ATG10: variants seen among roughly 807,000 people sequenced by gnomAD.
ATG10 encodes autophagy related 10, also known as ubiquitin-like-conjugating enzyme ATG10.
A neutral mutation model predicts 32.1 loss-of-function variants in ATG10; 30 were observed. That is an observed-to-expected ratio of 0.94 (90% CI 0.70 to 1.27). ATG10 has a LOEUF of 1.27. Ranked by LOEUF, ATG10 falls within the 50% of genes most tolerant of loss-of-function variation. The pLI is 0.00. For synonymous variants in ATG10, 87 were observed against 91.5 expected (o/e 0.95, Z 0.28); for missense variants, 233 against 262.3 (o/e 0.89, Z 0.77).
At chr5:81,972,741 G>A (rs1275240831) in intron 1 of ATG10, 1 of 152,116 alleles carries the variant, frequency 6.6e-6, no homozygotes. Context: ...TTGATATTTA[G>A]AGCCAACAGG....
At chr5:82,183,624 T>C (rs1396734901) in intron 5 of ATG10, among the ~76,000 whole-genome samples, 1 of 152,192 alleles carries the variant, frequency 6.6e-6, no homozygotes, top group African/African-American at 2.4e-5. Flanking sequence ...CATTAATTCA[T>C]TAGTGATTGC....
At chr5:82,039,566 CTG>C (rs1346158749) in intron 2 of ATG10, among the ~76,000 whole-genome samples, 6 of 151,976 alleles carry the variant, frequency 3.9e-5, no homozygotes, top group African/African-American at 9.7e-5. Flanking sequence ...TGTAATCAAA[CTG>C]TAATAAAAAT....
chr5:82,200,604 A>T (rs1745031336), intron 5 of ATG10, among the ~76,000 whole-genome samples: 1 of 148,472 alleles, frequency 6.7e-6, no homozygotes. Flanking sequence ...CAGCCTCCTG[A>T]GTGGCTGGGA....
intron 3 of ATG10, among the ~76,000 whole-genome samples, chr5:82,100,013 T>TTTG (rs1561298216): frequency 7.5e-6 from 1 of 132,822 alleles, no homozygotes; most frequent in Non-Finnish European, 1.6e-5. Context: ...TTTTTTTTTT[T>TTTG]TTTTTTTTTT....
intron 5 of ATG10, among the ~76,000 whole-genome samples, chr5:82,213,047 G>T (rs894435846): frequency 1.3e-5 from 2 of 152,044 alleles, no homozygotes; most frequent in Admixed American, 6.6e-5. Flanking sequence ...TCTCCAAATC[G>T]TTACCAAGCC....
In ATG10 at chr5:82,072,013, G is replaced by A. The variant is rs145917603; in HGVS notation, c.216+13411G>A. Reference sequence around the variant, plus strand: ...AGAGTTTGAAGTTAGGCAGAAGTAAGACTGCAGTGAGATTAGGTGGGGATA... The same window carrying A: ...AGAGTTTGAAGTTAGGCAGAAGTAAAACTGCAGTGAGATTAGGTGGGGATA... On this transcript the variant is annotated intron_variant, in intron 3 of 7. Transcript: ENST00000282185. 5.1e-3 allele frequency among the ~76,000 whole-genome samples: 783 copies of A among 152,256 alleles called. 5 individuals carry two copies. Among genetic ancestry groups the A allele is most frequent in the African/African-American group, 0.015 (631 of 41,552 alleles).
intron 3 of ATG10, among the ~76,000 whole-genome samples, chr5:82,083,192 C>G (rs995246792): frequency 6.6e-6 from 1 of 152,210 alleles, no homozygotes; most frequent in East Asian, 1.9e-4. Context: ...TATCCTGTGC[C>G]TGGCTCGTAG....
chr5:82,089,213 A>G (rs1048275418), intron 3 of ATG10, among the ~76,000 whole-genome samples: 3 of 152,118 alleles, frequency 2.0e-5, no homozygotes, highest in Admixed American at 2.0e-4. Flanking sequence ...ATGGTGGTGC[A>G]TGCCTGAAAT....
chr5:82,127,861 A>T (rs369080185), intron 3 of ATG10, among the ~76,000 whole-genome samples: 4 of 152,002 alleles, frequency 2.6e-5, no homozygotes, highest in Admixed American at 1.3e-4. Context: ...TTGTTGATCT[A>T]TCTAATATTG....
At chr5:82,226,783 G>C (rs894085100) in intron 5 of ATG10, among the ~76,000 whole-genome samples, 2 of 152,102 alleles carry the variant, frequency 1.3e-5, no homozygotes, top group Non-Finnish European at 2.9e-5. Context: ...TTACAGGCCT[G>C]CTATCTTTTC....
intron 5 of ATG10, among the ~76,000 whole-genome samples, chr5:82,231,824 A>G (rs1201101152): frequency 6.6e-6 from 1 of 152,186 alleles, no homozygotes; most frequent in Non-Finnish European, 1.5e-5. Context: ...CAGAAAGGAA[A>G]AAAACTGTCA....
intron 3 of ATG10, among the ~76,000 whole-genome samples, chr5:82,074,247 C>T (rs1283108593): frequency 6.6e-6 from 1 of 152,022 alleles, no homozygotes; most frequent in Non-Finnish European, 1.5e-5. Flanking sequence ...TTTCTTTACC[C>T]AAAGTAGAAT....
intron 3 of ATG10, chr5:82,078,581 G>T (rs1322813939): frequency 6.6e-6 from 1 of 152,262 alleles, no homozygotes; most frequent in South Asian, 2.1e-4. Context: ...GGGAGCAGGG[G>T]ACCACTAGGT....
chr5:82,141,549 G>T (rs1767138497), intron 3 of ATG10, among the ~76,000 whole-genome samples: 1 of 151,572 alleles, frequency 6.6e-6, no homozygotes, highest in Non-Finnish European at 1.5e-5. Flanking sequence ...TCATTTAAAA[G>T]TATCAGTCAT....
intron 3 of ATG10, among the ~76,000 whole-genome samples, chr5:82,121,195 A>T (rs1766027052): frequency 6.6e-6 from 1 of 152,198 alleles, no homozygotes; most frequent in Admixed American, 6.5e-5. Context: ...TGAGGTGGTC[A>T]TAGATAGCTT....
chr5:82,049,189 A>G (rs1338791387), intron 2 of ATG10, among the ~76,000 whole-genome samples: 4 of 151,710 alleles, frequency 2.6e-5, no homozygotes, highest in African/African-American at 4.8e-5. Flanking sequence ...AAAATGTGGC[A>G]CATATACACC....
At chr5:82,141,770 A>C (rs1187666688) in intron 3 of ATG10, among the ~76,000 whole-genome samples, 1 of 151,964 alleles carries the variant, frequency 6.6e-6, no homozygotes, top group Non-Finnish European at 1.5e-5. Flanking sequence ...TTATTTTTAT[A>C]ATCCAAAATT....
chr5:82,201,733 A>T (rs1196426597), intron 5 of ATG10, among the ~76,000 whole-genome samples: 1 of 152,218 alleles, frequency 6.6e-6, no homozygotes, highest in African/African-American at 2.4e-5. Flanking sequence ...ATTTGGAAAG[A>T]ATTAACATCT....
chr5:82,122,113 C>A (rs1191375096), intron 3 of ATG10, among the ~76,000 whole-genome samples: 9 of 151,852 alleles, frequency 5.9e-5, no homozygotes, highest in Non-Finnish European at 1.2e-4. Flanking sequence ...GTGAATTCAT[C>A]TGATCCTAGC....
Sources: gnomAD v4.1 joint callset for allele counts (sites outside exome capture counted in the v4.1 genomes callset) on GRCh38, gnomAD v4.1.1 for gene constraint, MANE v1.5 for transcripts, NCBI Gene and HGNC (gene_info 2026-07-23, HGNC 2026-07-21) for gene names.